NDE1: variants seen among roughly 807,000 people sequenced by gnomAD.
NDE1 encodes the protein nudE neurodevelopment protein 1.
In NDE1, 28 loss-of-function variants were observed where a neutral mutation model predicts 43.4. The observed-to-expected ratio is 0.65, with a 90% CI of 0.48 to 0.89. NDE1 has a LOEUF of 0.89. NDE1 is among the 40% of genes least tolerant of loss of function. The pLI is 0.00. For missense variants in NDE1, 441 were observed against 434.1 expected (o/e 1.02, Z -0.14); for synonymous variants, 184 against 172.0 (o/e 1.07, Z -0.55).
rs780870767 is a variant in NDE1 at position 15,717,222 on chromosome 16, C to T, written c.948-6969C>T. 24 of 1,614,052 alleles carry T rather than the reference C, an allele frequency of 1.5e-5. No individual in the cohort carries two copies. In the Admixed American group the frequency reaches 1.8e-4, roughly 12 times the overall value. On this transcript the variant is annotated intron_variant, in intron 8 of 8. Coordinates refer to ENST00000396354, the MANE Select transcript of NDE1 (RefSeq NM_017668.3). Reference sequence around the variant, plus strand: ...ATGGTGGACTTGAACTTGGACTTGACGGCCCCCTCCATCTCGTGGAGCTTG... The same window carrying T: ...ATGGTGGACTTGAACTTGGACTTGATGGCCCCCTCCATCTCGTGGAGCTTG...
intron 8 of NDE1, chr16:15,699,886 T>G (rs1407981829): frequency 7.8e-7 from 1 of 1,290,140 alleles, no homozygotes; most frequent in African/African-American, 1.5e-5. Context: ...GTCGTCTTTT[T>G]ACACTAGGTT....
chr16:15,687,534 A>G (rs1454658564), intron 5 of NDE1, 23 bp downstream of exon 5: 5 of 1,598,222 alleles, frequency 3.1e-6, no homozygotes, highest in Non-Finnish European at 4.3e-6. Flanking sequence ...TGGTGTCTTC[A>G]CCAGCATGGT....
At chr16:15,669,648 C>A (rs2037492659) in intron 3 of NDE1, among the ~76,000 whole-genome samples, 1 of 152,152 alleles carries the variant, frequency 6.6e-6, no homozygotes, top group African/African-American at 2.4e-5. Flanking sequence ...GTGTGAGCCA[C>A]CACGCCCGGC....
upstream of NDE1, among the ~76,000 whole-genome samples, chr16:15,649,078 C>G (rs2151382017): frequency 6.6e-6 from 1 of 152,102 alleles, no homozygotes; most frequent in East Asian, 2.0e-4. Flanking sequence ...GGCCTGTGAT[C>G]CCAGCTACTC....
Position 15,715,249 on chromosome 16 carries a change from G to A in NDE1, c.948-8942G>A, listed in dbSNP as rs148621523. The A allele has an allele frequency of 6.1e-5, 98 of 1,614,032 alleles. No individual in the cohort carries two copies. The highest frequency in any genetic ancestry group is 4.7e-4 in the African/African-American group (35 of 74,998). Reference sequence around the variant, plus strand: ...CAGCTTCTTGTCTTTCTGCTTCAGCGACTTGGTGGCCGCCTGTTTCTCTCT... The same window carrying A: ...CAGCTTCTTGTCTTTCTGCTTCAGCAACTTGGTGGCCGCCTGTTTCTCTCT... On this transcript the variant is annotated intron_variant, in intron 8 of 8. Transcript: ENST00000396354.
intron 4 of NDE1, among the ~76,000 whole-genome samples, chr16:15,682,439 C>T (rs1219178454): frequency 6.6e-6 from 1 of 152,196 alleles, no homozygotes; most frequent in Non-Finnish European, 1.5e-5. Flanking sequence ...GTTTGACAGT[C>T]TTCTCCAAGA....
intron 8 of NDE1, among the ~76,000 whole-genome samples, chr16:15,710,377 C>T (rs1300520335): frequency 2.0e-5 from 3 of 152,096 alleles, no homozygotes; most frequent in Non-Finnish European, 4.4e-5. Context: ...AAAAATTAGC[C>T]AGGTGTGGTG....
chr16:15,709,161 C>G (rs1006569593), intron 8 of NDE1, among the ~76,000 whole-genome samples: 2 of 151,580 alleles, frequency 1.3e-5, no homozygotes, highest in East Asian at 3.9e-4. Flanking sequence ...AGGCTTGTCT[C>G]CAACTCCTGA....
At chr16:15,687,080 G>A (rs1372810100) in intron 4 of NDE1, 5 of 1,267,276 alleles carry the variant, frequency 3.9e-6, no homozygotes, top group Non-Finnish European at 4.0e-6. Flanking sequence ...ACCACCAAAT[G>A]CCACATGCAG....
rs1286309950 is a variant in NDE1 at position 15,697,088 on chromosome 16, A to C, written c.947+228A>C. ...TTGTGAGACAGGGTCTCACTCTGTCACCTAGGCTAGAATACGATGGCAGGA... is the reference window on the plus strand; with the variant it reads ...TTGTGAGACAGGGTCTCACTCTGTCCCCTAGGCTAGAATACGATGGCAGGA... On this transcript the variant is annotated intron_variant, in intron 8 of 8. Transcript: ENST00000396354. 4.1e-6 allele frequency: 4 copies of C among 979,330 alleles called. 1 individual carries two copies. Among genetic ancestry groups the C allele is most frequent in the Non-Finnish European group, 2.4e-6 (2 of 824,486 alleles). 60.7% of individuals were successfully genotyped at this position (979,330 alleles called of 1,614,324 possible).
intron 4 of NDE1, chr16:15,684,415 GA>G (rs1189251840): frequency 6.6e-6 from 1 of 151,736 alleles, no homozygotes; most frequent in African/African-American, 2.4e-5. Context: ...CAACATGGTG[GA>G]ATGCTGTCTC....
upstream of NDE1, among the ~76,000 whole-genome samples, chr16:15,645,864 C>G (rs996606606): frequency 2.0e-5 from 3 of 152,098 alleles, no homozygotes; most frequent in East Asian, 5.8e-4. Flanking sequence ...GAGTTTCTCC[C>G]CAGAAACCAA....
intron 8 of NDE1, chr16:15,721,119 G>A (rs534984822): frequency 2.2e-5 from 34 of 1,548,244 alleles, no homozygotes; most frequent in East Asian, 2.0e-4. Flanking sequence ...GAAACCCACC[G>A]TGAGCGGCAC....
At chr16:15,722,843 A>G (rs1399198743) in intron 8 of NDE1, among the ~76,000 whole-genome samples, 1 of 152,176 alleles carries the variant, frequency 6.6e-6, no homozygotes, top group African/African-American at 2.4e-5. Flanking sequence ...CCCTGGGTTC[A>G]AGCGATTCTC....
chr16:15,667,065 G>T (rs1349531051), intron 2 of NDE1, among the ~76,000 whole-genome samples: 1 of 152,094 alleles, frequency 6.6e-6, no homozygotes, highest in Non-Finnish European at 1.5e-5. Flanking sequence ...GGCCAACATG[G>T]TGAAACCCCG....
intron 8 of NDE1, chr16:15,715,307 G>A: frequency 6.2e-7 from 1 of 1,607,978 alleles, no homozygotes. Flanking sequence ...GGTTTCAGCG[G>A]AGGGTGGCAC....
Position 15,717,251 on chromosome 16 carries a change from C to T in NDE1, c.948-6940C>T, listed in dbSNP as rs148938946. 5.0e-5 allele frequency: 80 copies of T among 1,614,156 alleles called. No individual in the cohort carries two copies. The African/African-American group carries it at 8.0e-4, about 16-fold the overall frequency. On this transcript the variant is annotated intron_variant, in intron 8 of 8. Transcript: ENST00000396354. The stretch of plus-strand genomic sequence containing the variant: ...CCCCTCCATCTCGTGGAGCTTGCTC[C>T]GGAGCTCCTTGTTCTGCCGCTCGAG...
At chr16:15,699,123 T>G (rs2039134396) in intron 8 of NDE1, among the ~76,000 whole-genome samples, 2 of 152,040 alleles carry the variant, frequency 1.3e-5, no homozygotes, top group African/African-American at 4.8e-5. Flanking sequence ...GGCTTTGAGT[T>G]TGAGAATACA....
intron 8 of NDE1, 170 bp downstream of exon 8, chr16:15,697,030 G>A (rs1596639164): frequency 1.3e-6 from 2 of 1,526,058 alleles, no homozygotes; most frequent in East Asian, 4.9e-5. Context: ...GTGTCTTGTG[G>A]CTTGAACAAA....
Sources: gnomAD v4.1 joint callset for allele counts (sites outside exome capture counted in the v4.1 genomes callset) on GRCh38, gnomAD v4.1.1 for gene constraint, MANE v1.5 for transcripts, NCBI Gene and HGNC (gene_info 2026-07-23, HGNC 2026-07-21) for gene names.